The following ZNF41 variants were observed in gnomAD, a reference collection of about 807,000 sequenced individuals.
The protein encoded by ZNF41 is zinc finger protein 41.
In ZNF41, 6 loss-of-function variants were observed where a neutral mutation model predicts 9.3. That is an observed-to-expected ratio of 0.65 (90% CI 0.35 to 1.28). The LOEUF (loss-of-function observed/expected upper bound fraction) is 1.28, where lower values mean the gene tolerates loss of function less well. Ranked by LOEUF, ZNF41 falls within the 50% of genes most tolerant of loss-of-function variation. The probability of loss-of-function intolerance (pLI) is 0.03; values close to 1 mark genes in which losing one functional copy is unlikely to be tolerated. For missense variants in ZNF41, 523 were observed against 585.8 expected (o/e 0.89, Z 1.11); for synonymous variants, 192 against 207.1 (o/e 0.93, Z 0.63).
rs752252478 is a variant in ZNF41, at chrX:47,478,584, T to C, written c.-280+4511A>G. 2.7e-5 allele frequency among the ~76,000 whole-genome samples: 3 copies of C among 111,069 alleles called. No individual in the cohort carries two copies. In the South Asian group the frequency reaches 1.1e-3, roughly 42 times the overall value. ...GTTCGTACCACAACAAACAAAATAA[T>C]AAAAGGAATAAGGTCCTAATACATA... is the stretch of plus-strand genomic sequence containing the variant. On this transcript the variant is annotated intron_variant, in intron 1 of 4. Transcript: ENST00000684689.
chrX:47,463,079 G>C (rs2056871300), intron 2 of ZNF41, among the ~76,000 whole-genome samples: 2 of 109,686 alleles, frequency 1.8e-5, no homozygotes, highest in Non-Finnish European at 1.9e-5. Flanking sequence ...TCCCGCTTTG[G>C]CCTCCCAAAG....
intron 2 of ZNF41, 44 bp from the exon 3 acceptor site, chrX:47,456,442 G>A (rs758804578): frequency 1.7e-6 from 2 of 1,208,221 alleles, no homozygotes; most frequent in African/African-American, 3.5e-5. Flanking sequence ...GTCAGCACTG[G>A]GGGATGGAAG....
In ZNF41 at chrX:47,479,706, T is replaced by TA. The variant is rs111579857; in HGVS notation, c.-280+3388dup. On this transcript the variant is annotated intron_variant, in intron 1 of 4. Coordinates refer to ENST00000684689, the MANE Select transcript of ZNF41 (RefSeq NM_001324144.2). Reference sequence around the variant, plus strand: ...GGTAAAATATCTAAGGATGAACTGTTAAAAAAAAAAAAAGGTGTTGGACCC... The same window carrying TA: ...GGTAAAATATCTAAGGATGAACTGTTAAAAAAAAAAAAAAGGTGTTGGACCC... 7.6e-3 allele frequency among the ~76,000 whole-genome samples: 772 copies of TA among 101,493 alleles called. 6 individuals are homozygous for TA. Among genetic ancestry groups the TA allele is most frequent in the African/African-American group, 0.025 (693 of 28,108 alleles). 88.1% of individuals were successfully genotyped at this position (101,493 alleles called of 115,157 possible).
chrX:47,448,701 A>G lies in ZNF41; in HGVS notation c.1069T>C (p.Cys357Arg), dbSNP rs1349442875. The stretch of plus-strand genomic sequence containing the variant: ...AAAAAGGCTTTTCCACATTCACTGC[A>G]TTTGTAGGGTTTCTGCCCGGTATGA... ...KIHTGQKPYK[C>R]SECGKAFFQR... is the part of the protein sequence containing the mutation. Residue 357 changes from cysteine (C) to arginine (R), a missense_variant, in exon 5 of 5, where the codon TGC becomes CGC. Transcript: ENST00000684689. The G allele has an allele frequency of 3.3e-6, 4 of 1,211,677 alleles. No homozygotes were observed. The highest frequency in any genetic ancestry group is 4.5e-6 in the Non-Finnish European group (4 of 895,535).
chrX:47,468,111 C>G (rs2057051219), intron 1 of ZNF41, among the ~76,000 whole-genome samples: 1 of 111,553 alleles, frequency 9.0e-6, no homozygotes, highest in South Asian at 3.8e-4. Flanking sequence ...CTAGGCATTA[C>G]TATTATTACT....
rs1350962819 is a variant in ZNF41, at chrX:47,447,321, C to T, written c.*109G>A. ...GCCTTCAGTTCACTCAAGCCTCAGT[C>T]TCTCATACCCATTTCCCCCTGTACA... On this transcript the variant is annotated 3_prime_UTR_variant, in exon 5 of 5. Transcript: ENST00000684689. The T allele has an allele frequency of 1.9e-6, 2 of 1,065,098 alleles. No individual in the cohort carries two copies. Among genetic ancestry groups the T allele is most frequent in the African/African-American group, 3.6e-5 (2 of 55,153 alleles). The allele number at this position is 1,065,098 out of a possible 1,213,427, so 87.8% of individuals were successfully genotyped here.
chrX:47,479,893 G>A (rs1380949907), intron 1 of ZNF41, among the ~76,000 whole-genome samples: 1 of 111,506 alleles, frequency 9.0e-6, no homozygotes, highest in East Asian at 2.8e-4. Flanking sequence ...TCAGGAGTTT[G>A]AGACCAGTCT....
chrX:47,467,066 G>A lies in ZNF41; in HGVS notation c.72+344C>T, dbSNP rs1443477296. ...TGTGGTGGGGGATGGAGGCTCCCTG[G>A]CTATGGATAGTGGCTGCTTCTACCT... On this transcript the variant is annotated intron_variant, in intron 2 of 4. Coordinates refer to ENST00000684689, the MANE Select transcript of ZNF41 (RefSeq NM_001324144.2). Among the ~76,000 whole-genome samples, 14 of 111,778 alleles carry A rather than the reference G, an allele frequency of 1.3e-4. No individual in the cohort carries two copies. The Admixed American group carries it at 1.3e-3, about 11-fold the overall frequency.
chrX:47,447,303 G>C lies in ZNF41; in HGVS notation c.*127C>G. 2.1e-6 allele frequency: 2 copies of C among 960,543 alleles called. No individual in the cohort carries two copies. The highest frequency in any genetic ancestry group is 2.9e-6 in the Non-Finnish European group (2 of 682,466). 79.2% of individuals were successfully genotyped at this position (960,543 alleles called of 1,213,427 possible). A position where few individuals can be genotyped will look rare whatever the true frequency, so the allele number is the denominator to read the frequency against. ...GGATACTTGGCTCTGTTTGCCTTCA[G>C]TTCACTCAAGCCTCAGTCTCTCATA... On this transcript the variant is annotated 3_prime_UTR_variant, in exon 5 of 5. Coordinates refer to ENST00000684689, the MANE Select transcript of ZNF41 (RefSeq NM_001324144.2).
intron 1 of ZNF41, among the ~76,000 whole-genome samples, chrX:47,469,267 C>T (rs1461046782): frequency 1.1e-5 from 1 of 87,830 alleles, no homozygotes; most frequent in Non-Finnish European, 2.2e-5. Flanking sequence ...GCCGAGATCC[C>T]GCCACTGCAC....
At chrX:47,475,807 T>C (rs1038289385) in intron 1 of ZNF41, among the ~76,000 whole-genome samples, 1 of 111,365 alleles carries the variant, frequency 9.0e-6, no homozygotes, top group Non-Finnish European at 1.9e-5. Flanking sequence ...AAAAATACAT[T>C]ACTAACTCAA....
intron 1 of ZNF41, among the ~76,000 whole-genome samples, chrX:47,480,478 C>T (rs893170631): frequency 2.7e-5 from 3 of 109,993 alleles, no homozygotes; most frequent in Non-Finnish European, 5.7e-5. Context: ...AAATTTAAGG[C>T]GTATTTGTTT....
Position 47,445,193 on chromosome X carries a change from G to T in ZNF41, c.*2237C>A, listed in dbSNP as rs1204186687. 8.9e-6 allele frequency among the ~76,000 whole-genome samples: 1 copy of T among 111,950 alleles called. No homozygotes were observed. Among genetic ancestry groups the T allele is most frequent in the Non-Finnish European group, 1.9e-5 (1 of 53,249 alleles). ...TCATCAAAGATTCTCAATAAAAGAT[G>T]ATCAATATTATTAATCATTAGGGCA... On this transcript the variant is annotated 3_prime_UTR_variant, in exon 5 of 5. Transcript: ENST00000684689.
chrX:47,453,987 G>A lies in ZNF41; in HGVS notation c.295+1934C>T, dbSNP rs113745937. Among the ~76,000 whole-genome samples, 707 of 111,297 alleles carry A rather than the reference G, an allele frequency of 6.4e-3. 11 individuals carry two copies. The highest frequency in any genetic ancestry group is 0.021 in the African/African-American group (632 of 30,673). The stretch of plus-strand genomic sequence containing the variant: ...CTCAGGAGGCTGAGGCAGGAGAATC[G>A]CTTGAACCCAGGAGGCATAGGCTGC... On this transcript the variant is annotated intron_variant, in intron 4 of 4. Coordinates refer to ENST00000684689, the MANE Select transcript of ZNF41 (RefSeq NM_001324144.2).
At position 47,447,081 on chromosome X, in the gene ZNF41, C is replaced by T. The variant is rs1470479462; in HGVS notation, c.*349G>A. The T allele has an allele frequency of 1.3e-5, 3 of 228,858 alleles. No individual in the cohort carries two copies. Among genetic ancestry groups the T allele is most frequent in the Admixed American group, 6.6e-5 (1 of 15,093 alleles). The allele number at this position is 228,858 out of a possible 1,213,427, so 18.9% of individuals were successfully genotyped here. On this transcript the variant is annotated 3_prime_UTR_variant, in exon 5 of 5. Coordinates refer to ENST00000684689, the MANE Select transcript of ZNF41 (RefSeq NM_001324144.2). The stretch of plus-strand genomic sequence containing the variant: ...TACTGAATTTAAAAAGTTCTTTATC[C>T]AAAAAGTGAAGCATAAGAGATGACG...
At chrX:47,450,423 C>T (rs1004318725) in intron 4 of ZNF41, among the ~76,000 whole-genome samples, 3 of 110,779 alleles carry the variant, frequency 2.7e-5, no homozygotes, top group African/African-American at 9.8e-5. Context: ...GTTGGCCAGG[C>T]TGGTCTTGAA....
At chrX:47,479,621 T>C (rs746890859) in intron 1 of ZNF41, among the ~76,000 whole-genome samples, 142 of 107,606 alleles carry the variant, frequency 1.3e-3, no homozygotes, top group Non-Finnish European at 2.5e-3. Context: ...ATTATAAAAA[T>C]AGATTTTCCC....
rs761506047 is a variant in ZNF41 at position 47,452,083 on chromosome X, G to A, written c.296-2609C>T. Among the ~76,000 whole-genome samples the A allele has an allele frequency of 5.4e-5, 6 of 111,432 alleles. No homozygotes were observed. The East Asian group carries it at 1.7e-3, about 31-fold the overall frequency. ...AGGAGGGTTTGCTTCCTGGTTCTAG[G>A]GGGCTCACTCAGCAGGCTCATCCAG... is the stretch of plus-strand genomic sequence containing the variant. On this transcript the variant is annotated intron_variant, in intron 4 of 4. Coordinates refer to ENST00000684689, the MANE Select transcript of ZNF41 (RefSeq NM_001324144.2).
chrX:47,481,723 T>A (rs2057478018), intron 1 of ZNF41, among the ~76,000 whole-genome samples: 1 of 111,798 alleles, frequency 8.9e-6, no homozygotes, highest in South Asian at 3.7e-4. Context: ...TAGAGAAAAA[T>A]TTATAAACTG....
Sources: gnomAD v4.1 joint callset for allele counts (sites outside exome capture counted in the v4.1 genomes callset) on GRCh38, gnomAD v4.1.1 for gene constraint, MANE v1.5 for transcripts, NCBI Gene and HGNC (gene_info 2026-07-23, HGNC 2026-07-21) for gene names.